SCRN3: variants seen among roughly 807,000 people sequenced by gnomAD.
SCRN3 encodes secernin 3.
In SCRN3, 39 loss-of-function variants were observed where a neutral mutation model predicts 43.1. That is an observed-to-expected ratio of 0.91 (90% confidence interval 0.70 to 1.18). The LOEUF (loss-of-function observed/expected upper bound fraction) is 1.18. Ranked by LOEUF, SCRN3 falls within the 50% of genes most tolerant of loss-of-function variation. SCRN3 has a pLI of 0.00. For missense variants in SCRN3, 484 were observed against 498.0 expected (o/e 0.97, Z 0.27); for synonymous variants, 147 against 163.1 (o/e 0.90, Z 0.75).
intron 4 of SCRN3, among the ~76,000 whole-genome samples, 200 bp from the exon 5 acceptor site, chr2:174,403,903 A>C (rs1409038657): frequency 1.3e-5 from 2 of 152,196 alleles, no homozygotes; most frequent in Non-Finnish European, 2.9e-5. Flanking sequence ...ACTGCATGTG[A>C]ATCTATAATT....
At chr2:174,424,752 T>C (rs1186009754) in intron 7 of SCRN3, 103 bp downstream of exon 7, 10 of 849,382 alleles carry the variant, frequency 1.2e-5, no homozygotes, top group Non-Finnish European at 1.6e-5. Context: ...TTATAAGAAA[T>C]AGTTTTAGGA....
intron 5 of SCRN3, among the ~76,000 whole-genome samples, chr2:174,415,304 A>G (rs1024777372): frequency 2.0e-5 from 3 of 152,190 alleles, no homozygotes; most frequent in South Asian, 4.1e-4. Context: ...ATGTAAATAT[A>G]TACACCTACT....
At chr2:174,421,516 G>A (rs980976367) in intron 5 of SCRN3, among the ~76,000 whole-genome samples, 4 of 152,206 alleles carry the variant, frequency 2.6e-5, no homozygotes, top group Non-Finnish European at 5.9e-5. Flanking sequence ...GCAGCAGGGA[G>A]ACAAAGGCAG....
intron 4 of SCRN3, 58 bp downstream of exon 4, chr2:174,401,247 C>T: frequency 7.8e-7 from 1 of 1,282,608 alleles, no homozygotes; most frequent in Non-Finnish European, 1.1e-6. Flanking sequence ...TACACCCTTA[C>T]CTATAGATAT....
rs1288971418 is a variant in SCRN3, at chr2:174,401,178, A to C, written c.530A>C (p.Glu177Ala). ...ACTGCAGGGAAGTACTGGGCAGCAGAAAAAGTACAAGGTATGGACAACTTT... is the reference window on the plus strand; with the variant it reads ...ACTGCAGGGAAGTACTGGGCAGCAGCAAAAGTACAAGGTATGGACAACTTT... ...LETAGKYWAA[E>A]KVQEGVRNIS... The change falls in exon 4 of 8, where the codon GAA becomes GCA. Residue 177 changes from glutamate (E) to alanine (A), a missense_variant. Glu to Ala is a moderately radical substitution (Grantham distance 107, BLOSUM62 -1). Transcript: ENST00000272732. 1 of 1,613,592 alleles carries C rather than the reference A, an allele frequency of 6.2e-7. No homozygotes were observed. The highest frequency in any genetic ancestry group is 2.2e-5 in the East Asian group (1 of 44,862).
chr2:174,419,524 C>T (rs939392915), intron 5 of SCRN3, among the ~76,000 whole-genome samples: 16 of 152,060 alleles, frequency 1.1e-4, no homozygotes, highest in African/African-American at 3.9e-4. Context: ...GAACTACAGG[C>T]ATGCATTACC....
chr2:174,412,075 G>A (rs1373872497), intron 5 of SCRN3, among the ~76,000 whole-genome samples: 1 of 151,842 alleles, frequency 6.6e-6, no homozygotes, highest in Non-Finnish European at 1.5e-5. Context: ...AGAATGCATG[G>A]AACAGCTTTC....
chr2:174,398,971 GT>G (rs1455045177), intron 2 of SCRN3, among the ~76,000 whole-genome samples: 1 of 152,104 alleles, frequency 6.6e-6, no homozygotes, highest in Non-Finnish European at 1.5e-5. Context: ...AGGAATGACA[GT>G]TTTATGACAC....
rs1475642079 is a variant in SCRN3, at chr2:174,404,282, T to C, written c.721T>C (p.Cys241Arg). 2 of 1,613,672 alleles carry C rather than the reference T, an allele frequency of 1.2e-6. No homozygotes were observed. The highest frequency in any genetic ancestry group is 2.2e-5 in the East Asian group (1 of 44,858). The stretch of plus-strand genomic sequence containing the variant: ...GATGATGACTTCATCAGGCAGATAC[T>C]GTGAGGGCTACAAGCTTCTAAATAA... ...AKMMTSSGRYCEGYKLLNKHK... is the reference protein window; with the variant it reads ...AKMMTSSGRYREGYKLLNKHK... Residue 241 changes from cysteine (C) to arginine (R), a missense_variant, in exon 5 of 8, where the codon TGT (cysteine) becomes CGT (arginine). Cys to Arg is a radical substitution (Grantham distance 180, BLOSUM62 -3). Coordinates refer to ENST00000272732, the MANE Select transcript of SCRN3 (RefSeq NM_024583.5).
Position 174,400,064 on chromosome 2 carries a change from T to G in SCRN3, c.302T>G (p.Val101Gly). ...GNEAVWGREE[V>G]CDEEALLGMD... ...GAAGCTGTATGGGGAAGAGAAGAAG[T>G]TTGTGATGAAGAAGCACTATTAGGA... The change falls in exon 3 of 8, where the codon GTT becomes GGT. Residue 101 changes from valine (V) to glycine (G), a missense_variant. Transcript: ENST00000272732. The G allele has an allele frequency of 6.3e-7, 1 of 1,592,168 alleles. No homozygotes were observed.
chr2:174,422,770 C>G, intron 5 of SCRN3, 115 bp from the exon 6 acceptor site: 1 of 595,940 alleles, frequency 1.7e-6, no homozygotes, highest in Non-Finnish European at 2.8e-6. Flanking sequence ...TAGTCAGTCT[C>G]TTAATTTATG....
intron 4 of SCRN3, among the ~76,000 whole-genome samples, chr2:174,403,304 T>TAA (rs148298936): frequency 1.4e-5 from 2 of 144,590 alleles, no homozygotes; most frequent in African/African-American, 5.0e-5. Flanking sequence ...GTTTGTCAGT[T>TAA]AAAAAAAAAA....
chr2:174,423,474 A>G (rs1331003701), intron 6 of SCRN3, among the ~76,000 whole-genome samples: 1 of 152,046 alleles, frequency 6.6e-6, no homozygotes, highest in African/African-American at 2.4e-5. Flanking sequence ...TTTAATTATT[A>G]TTATTACTAT....
chr2:174,413,577 T>C (rs1299570019), intron 5 of SCRN3, among the ~76,000 whole-genome samples: 1 of 146,172 alleles, frequency 6.8e-6, no homozygotes, highest in Non-Finnish European at 1.5e-5. Context: ...TTCTTTTTTT[T>C]TGTCTTTCCT....
chr2:174,427,208 A>G (rs1686517212), intron 7 of SCRN3, among the ~76,000 whole-genome samples: 1 of 152,188 alleles, frequency 6.6e-6, no homozygotes, highest in Non-Finnish European at 1.5e-5. Context: ...TTTAAAAATT[A>G]CTTCTTTCTG....
rs1445718737 is a variant in SCRN3 at position 174,398,305 on chromosome 2, A to G, written c.22A>G (p.Thr8Ala). 3 of 1,577,974 alleles carry G rather than the reference A, an allele frequency of 1.9e-6. No individual in the cohort carries two copies. The highest frequency in any genetic ancestry group is 1.2e-5 in the South Asian group (1 of 83,314). The change falls in exon 2 of 8, where the codon ACT becomes GCT. Residue 8 changes from threonine to alanine, a missense_variant. Physicochemically the swap from Thr to Ala is moderately conservative, Grantham distance 58. Coordinates refer to ENST00000272732, the MANE Select transcript of SCRN3 (RefSeq NM_024583.5). ...AAAAATGGAACCTTTTTCCTGTGAC[A>G]CTTTCGTGGCATTACCTCCAGCAAC... MEPFSCD[T>A]FVALPPATVD...
rs1232739546 is a variant in SCRN3, at chr2:174,408,678, T to G, written c.754+4363T>G. Among the ~76,000 whole-genome samples, 9 of 141,712 alleles carry G rather than the reference T, an allele frequency of 6.4e-5. No homozygotes were observed. The South Asian group carries it at 2.1e-3, about 33-fold the overall frequency. The allele number at this position is 141,712 out of a possible 152,430, so 93.0% of individuals were successfully genotyped here. On this transcript the variant is annotated intron_variant, in intron 5 of 7. Coordinates refer to ENST00000272732, the MANE Select transcript of SCRN3 (RefSeq NM_024583.5). ...GGTGGTGACAAAATCGGTCAGCATT[T>G]GCTTGTCTGTAAAGTATTTTATTTC... is the stretch of plus-strand genomic sequence containing the variant.
At chr2:174,402,302 G>C (rs573208195) in intron 4 of SCRN3, among the ~76,000 whole-genome samples, 25 of 152,262 alleles carry the variant, frequency 1.6e-4, no homozygotes, top group African/African-American at 5.8e-4. Context: ...TCATTGTCTA[G>C]CTGTAGATTA....
rs913900925 is a variant in SCRN3 at position 174,412,433 on chromosome 2, G to C, written c.754+8118G>C. Among the ~76,000 whole-genome samples, 14 of 152,028 alleles carry C rather than the reference G, an allele frequency of 9.2e-5. 1 individual carries two copies. Among genetic ancestry groups the C allele is most frequent in the African/African-American group, 3.4e-4 (14 of 41,392 alleles). ...GTCCTGAATCTGCAATCTTGTGATG[G>C]TTATGTGATGAGGGTAGCAGCTGCT... On this transcript the variant is annotated intron_variant, in intron 5 of 7. Transcript: ENST00000272732.
Sources: gnomAD v4.1 joint callset for allele counts (sites outside exome capture counted in the v4.1 genomes callset) on GRCh38, gnomAD v4.1.1 for gene constraint, MANE v1.5 for transcripts, NCBI Gene and HGNC (gene_info 2026-07-23, HGNC 2026-07-21) for gene names.